ANKS1A: variants seen among roughly 807,000 people sequenced by gnomAD.
The protein encoded by ANKS1A is ankyrin repeat and sterile alpha motif domain containing 1A.
In ANKS1A, 55 loss-of-function variants were observed where a neutral mutation model predicts 120.3. That is an observed-to-expected ratio of 0.46 (90% CI 0.37 to 0.57). The LOEUF is 0.57. Among genes scored for constraint, ANKS1A ranks in the 20% least tolerant of loss-of-function variants. The probability of loss-of-function intolerance (pLI) is 0.00; values close to 1 mark genes in which losing one functional copy is unlikely to be tolerated. For missense variants in ANKS1A, 1,123 were observed against 1,480.3 expected (o/e 0.76, Z 3.96); for synonymous variants, 590 against 604.7 (o/e 0.98, Z 0.36).
intron 1 of ANKS1A, among the ~76,000 whole-genome samples, chr6:34,930,764 C>T (rs1419717197): frequency 2.0e-5 from 3 of 152,158 alleles, no homozygotes; most frequent in Non-Finnish European, 2.9e-5. Flanking sequence ...TCTGTTACCA[C>T]AGCCACTGAT....
chr6:35,083,956 C>T (rs184853563), intron 20 of ANKS1A, among the ~76,000 whole-genome samples, 165 bp from the exon 21 acceptor site: 163 of 152,224 alleles, frequency 1.1e-3, no homozygotes, highest in African/African-American at 3.6e-3. Flanking sequence ...AAACCAAAAT[C>T]GGGGACCCCC....
intron 1 of ANKS1A, among the ~76,000 whole-genome samples, chr6:34,964,462 C>T (rs1386640092): frequency 2.6e-5 from 4 of 152,098 alleles, no homozygotes; most frequent in Non-Finnish European, 5.9e-5. Context: ...CCATTTGCAG[C>T]GGTGTGTATT....
In ANKS1A at chr6:35,091,349, A is replaced by ATAAC. The variant is rs1463402050; in HGVS notation, c.*2742_*2745dup. 3 of 985,518 alleles carry ATAAC rather than the reference A, an allele frequency of 3.0e-6. No individual in the cohort carries two copies. In the African/African-American group the frequency reaches 5.2e-5, roughly 17 times the overall value. The allele number at this position is 985,518 out of a possible 1,614,324, so 61.0% of individuals were successfully genotyped here. On this transcript the variant is annotated 3_prime_UTR_variant, in exon 24 of 24. Transcript: ENST00000360359. ...TTCCAGCTTTGGTTTTGTTATTTTC[A>ATAAC]TAACTGTACACAACTTAGAACAGAC...
intron 13 of ANKS1A, among the ~76,000 whole-genome samples, chr6:35,062,817 T>TAA (rs1776580568): frequency 6.6e-6 from 1 of 152,228 alleles, no homozygotes; most frequent in Non-Finnish European, 1.5e-5. Flanking sequence ...ATTCACTACC[T>TAA]TGTAAGGAGG....
At chr6:35,073,320 A>G (rs1481358933) in intron 13 of ANKS1A, among the ~76,000 whole-genome samples, 4 of 152,200 alleles carry the variant, frequency 2.6e-5, no homozygotes, top group Non-Finnish European at 5.9e-5. Context: ...AAAGCAGGCC[A>G]TGGCCATGAT....
intron 1 of ANKS1A, among the ~76,000 whole-genome samples, chr6:34,912,625 A>C (rs1259777601): frequency 6.6e-6 from 1 of 152,204 alleles, no homozygotes; most frequent in Non-Finnish European, 1.5e-5. Context: ...TTTCTCACCT[A>C]ACAGATAGTA....
At chr6:34,941,700 C>T (rs2127483866) in intron 1 of ANKS1A, among the ~76,000 whole-genome samples, 2 of 152,352 alleles carry the variant, frequency 1.3e-5, no homozygotes, top group Middle Eastern at 6.8e-3. Flanking sequence ...TTCTCTGATG[C>T]TCAACACTCC....
chr6:34,983,453 G>A (rs1369093772), intron 7 of ANKS1A, 28 bp downstream of exon 7: 4 of 1,543,494 alleles, frequency 2.6e-6, no homozygotes, highest in East Asian at 4.5e-5. Context: ...TATGAGTAAA[G>A]GGGTGCTCAG....
At chr6:34,907,685 A>G (rs1478514807) in intron 1 of ANKS1A, among the ~76,000 whole-genome samples, 2 of 152,188 alleles carry the variant, frequency 1.3e-5, no homozygotes, top group African/African-American at 4.8e-5. Flanking sequence ...GCCTAATATT[A>G]TTTCAAAATA....
intron 13 of ANKS1A, among the ~76,000 whole-genome samples, chr6:35,077,810 G>A (rs1360672473): frequency 6.6e-6 from 1 of 152,172 alleles, no homozygotes; most frequent in African/African-American, 2.4e-5. Flanking sequence ...GATTAACAGA[G>A]ACCCTAACAT....
At chr6:34,972,925 C>T (rs531895779) in intron 3 of ANKS1A, among the ~76,000 whole-genome samples, 4 of 152,284 alleles carry the variant, frequency 2.6e-5, no homozygotes, top group Non-Finnish European at 4.4e-5. Flanking sequence ...GACCATATTA[C>T]ATGCTTAATT....
chr6:34,958,351 T>C (rs1359536801), intron 1 of ANKS1A, among the ~76,000 whole-genome samples: 1 of 152,132 alleles, frequency 6.6e-6, no homozygotes, highest in Non-Finnish European at 1.5e-5. Flanking sequence ...TATCCTTTTT[T>C]CTCTGTCCTC....
intron 1 of ANKS1A, among the ~76,000 whole-genome samples, chr6:34,895,388 G>A (rs1767020992): frequency 6.6e-6 from 1 of 152,080 alleles, no homozygotes; most frequent in African/African-American, 2.4e-5. Flanking sequence ...TTTTTAAACA[G>A]TGATTAGCAT....
intron 3 of ANKS1A, among the ~76,000 whole-genome samples, chr6:34,973,851 TCCCCTTGCCCTC>T (rs1771309056): frequency 9.3e-6 from 1 of 107,836 alleles, no homozygotes. Flanking sequence ...CCCTTCCCCT[TCCCCTTGCCCTC>T]CCCTTCCCTT....
chr6:34,915,037 G>T (rs1014777774), intron 1 of ANKS1A, among the ~76,000 whole-genome samples: 4 of 152,146 alleles, frequency 2.6e-5, no homozygotes, highest in African/African-American at 7.2e-5. Flanking sequence ...ATAAAATGGG[G>T]TTATATTTTA....
chr6:34,950,249 C>T (rs1249388036), intron 1 of ANKS1A, among the ~76,000 whole-genome samples: 18 of 98,662 alleles, frequency 1.8e-4, no homozygotes, highest in Non-Finnish European at 2.9e-4. Flanking sequence ...TTTTTTGGGA[C>T]GGAGTCTTGC....
chr6:35,039,791 A>G (rs748657698), intron 11 of ANKS1A: 1 of 326,318 alleles, frequency 3.1e-6, no homozygotes, highest in Non-Finnish European at 6.1e-6. Flanking sequence ...TAAGTCATGT[A>G]TTAGGAAGCT....
Position 35,083,490 on chromosome 6 carries a change from A to G in ANKS1A, c.2981A>G (p.Asp994Gly). The change falls in exon 20 of 24, where the codon GAT becomes GGT. Residue 994 changes from aspartate (D) to glycine (G), a missense_variant. By Grantham distance (94) the Asp-to-Gly change is moderately conservative. Coordinates refer to ENST00000360359, the MANE Select transcript of ANKS1A (RefSeq NM_015245.3). ...ACATACAAAGGTGTCAAGTTCATCG[A>G]TGCCTCCAACAAGGTGTGCTGCTTA... ...SITYKGVKFIDASNKNVIAEH... is the reference protein window; with the variant it reads ...SITYKGVKFIGASNKNVIAEH... 1.2e-6 allele frequency: 2 copies of G among 1,613,994 alleles called. No homozygotes were observed. Among genetic ancestry groups the G allele is most frequent in the Non-Finnish European group, 8.5e-7 (1 of 1,179,942 alleles).
Position 34,989,301 on chromosome 6 carries a change from C to T in ANKS1A, c.1287C>T (p.Pro429=), listed in dbSNP as rs1351370261. ...EEDHIDKKYF[P]LTASEVLSMR... The stretch of plus-strand genomic sequence containing the variant: ...ACCACATAGATAAGAAGTATTTTCC[C>T]TTGACAGCTTCTGAGGTAGAGGGTT... Residue 429 remains proline (P), a synonymous_variant, in exon 9 of 24, where the codon CCC becomes CCT. Transcript: ENST00000360359. 6.2e-7 allele frequency: 1 copy of T among 1,613,794 alleles called. No homozygotes were observed. The highest frequency in any genetic ancestry group is 1.1e-5 in the South Asian group (1 of 91,012).
Sources: gnomAD v4.1 joint callset for allele counts (sites outside exome capture counted in the v4.1 genomes callset) on GRCh38, gnomAD v4.1.1 for gene constraint, MANE v1.5 for transcripts, NCBI Gene and HGNC (gene_info 2026-07-23, HGNC 2026-07-21) for gene names.